PAQR3: variants seen among roughly 807,000 people sequenced by gnomAD.
PAQR3 encodes the protein progestin and adipoQ receptor family member 3.
Under a neutral mutation model 41.7 loss-of-function variants are expected in PAQR3, and 39 were observed. The ratio of observed to expected loss-of-function variants is 0.93; its 90% CI spans 0.72 to 1.22. The LOEUF (loss-of-function observed/expected upper bound fraction) is 1.22. Among genes scored for constraint, PAQR3 ranks in the 50% most tolerant of loss-of-function variants. PAQR3 has a pLI of 0.00. For missense variants in PAQR3, 366 were observed against 385.6 expected, an observed-to-expected ratio of 0.95 and a Z score of 0.42; for synonymous variants, 140 against 140.6, an observed-to-expected ratio of 1.00 and a Z score of 0.03.
intron 5 of PAQR3, 139 bp downstream of exon 5, chr4:78,923,718 G>T (rs1578014295): frequency 1.4e-6 from 1 of 691,604 alleles, no homozygotes; most frequent in East Asian, 2.7e-5. Context: ...GAAAGTTTTA[G>T]GTAACATTTG....
At chr4:78,923,811 T>C in intron 5 of PAQR3, 46 bp downstream of exon 5, 1 of 1,270,400 alleles carries the variant, frequency 7.9e-7, no homozygotes, top group African/African-American at 1.5e-5. Context: ...ACCTTGGGCA[T>C]ATATTTAGAC....
In PAQR3 at chr4:78,917,628, G is replaced by T; in HGVS notation, c.*2911C>A. ...AGCTGATTCTTTACACACTTGGGCA[G>T]AAGTAGAATTCCCAGGAATGATGAT... On this transcript the variant is annotated 3_prime_UTR_variant, in exon 6 of 6. Coordinates refer to ENST00000512733, the MANE Select transcript of PAQR3 (RefSeq NM_001040202.2). The T allele has an allele frequency of 5.4e-6, 1 of 184,446 alleles. No homozygotes were observed. Among genetic ancestry groups the T allele is most frequent in the Non-Finnish European group, 1.0e-5 (1 of 97,822 alleles). 11.4% of individuals were successfully genotyped at this position (184,446 alleles called of 1,614,324 possible). A position where few individuals can be genotyped will look rare whatever the true frequency, so the allele number is the denominator to read the frequency against.
intron 1 of PAQR3, 82 bp from the exon 2 acceptor site, chr4:78,935,365 A>C: frequency 8.0e-7 from 1 of 1,246,126 alleles, no homozygotes; most frequent in East Asian, 2.5e-5. Context: ...AATTTTGAGG[A>C]GTTACCTAAT....
chr4:78,922,277 T>C, intron 5 of PAQR3: 2 of 1,262,714 alleles, frequency 1.6e-6, no homozygotes, highest in South Asian at 1.3e-5. Flanking sequence ...TATTTAAAGC[T>C]CAGTGGTGAA....
chr4:78,911,409 T>A (rs1388151570), downstream of PAQR3: 1 of 1,614,046 alleles, frequency 6.2e-7, no homozygotes, highest in South Asian at 1.1e-5. Flanking sequence ...AGGACCTTTT[T>A]GGGCTTGTGC....
At position 78,912,121 on chromosome 4, in the gene PAQR3, T is replaced by G. The variant is rs144272741; in HGVS notation, c.*8418A>C. The stretch of plus-strand genomic sequence containing the variant: ...TTTGAAAGAAAATTTGGTAGCTCTT[T>G]ATAGCATTCATTCTTAAAGATCAGT... On this transcript the variant is annotated 3_prime_UTR_variant, in exon 6 of 6. Transcript: ENST00000512733. 2,222 of 1,174,910 alleles carry G rather than the reference T, an allele frequency of 1.9e-3. 17 individuals carry two copies. The highest frequency in any genetic ancestry group is 0.012 in the South Asian group (799 of 67,956). 72.8% of individuals were successfully genotyped at this position (1,174,910 alleles called of 1,614,324 possible).
intron 11 of PAQR3, chr4:78,898,809 C>T (rs960253432): frequency 1.3e-5 from 2 of 152,034 alleles, no homozygotes; most frequent in Non-Finnish European, 2.9e-5. Context: ...AAACCTATTG[C>T]TTCACTACTT....
chr4:78,928,627 T>G (rs888029251), intron 3 of PAQR3, among the ~76,000 whole-genome samples: 1 of 152,198 alleles, frequency 6.6e-6, no homozygotes. Context: ...ATAAGTGAAG[T>G]CTGGGGACTG....
At chr4:78,894,538 G>C (rs1405364237) in intron 11 of PAQR3, among the ~76,000 whole-genome samples, 2 of 152,218 alleles carry the variant, frequency 1.3e-5, no homozygotes, top group African/African-American at 4.8e-5. Context: ...TAGGATTGAA[G>C]AGAGTTAGAG....
At position 78,912,148 on chromosome 4, in the gene PAQR3, AG is replaced by A; in HGVS notation, c.*8390del. The A allele has an allele frequency of 2.2e-6, 2 of 922,566 alleles. No individual in the cohort carries two copies. The highest frequency in any genetic ancestry group is 3.3e-6 in the Non-Finnish European group (2 of 597,402). The allele number at this position is 922,566 out of a possible 1,614,324, so 57.1% of individuals were successfully genotyped here. On this transcript the variant is annotated 3_prime_UTR_variant, in exon 6 of 6. Coordinates refer to ENST00000512733, the MANE Select transcript of PAQR3 (RefSeq NM_001040202.2). ...TAGCATTCATTCTTAAAGATCAGTC[AG>A]AATAGGTGATTTCTAAATAAACCAA...
Position 78,900,954 on chromosome 4 carries a change from A to G in PAQR3, c.*836+5154T>C, listed in dbSNP as rs112603134. Among the ~76,000 whole-genome samples, 1,121 of 152,222 alleles carry G rather than the reference A, an allele frequency of 7.4e-3. 5 individuals are homozygous for G. The highest frequency in any genetic ancestry group is 0.018 in the African/African-American group (730 of 41,510). On this transcript the variant is annotated intron_variant and NMD_transcript_variant, in intron 11 of 12. Transcript: ENST00000342820. Reference sequence around the variant, plus strand: ...ACTGATGTTAGTAGTGTGGTTTATCAAAAGACCATTGACTTTGGAATTATA... The same window carrying G: ...ACTGATGTTAGTAGTGTGGTTTATCGAAAGACCATTGACTTTGGAATTATA...
rs2110115951 is a variant in PAQR3, at chr4:78,914,046, C to T, written c.*6493G>A. ...TGATTACACATAGTAAATTCATGAACTACAGTAGGTTTGTATCAAACAATT... is the reference window on the plus strand; with the variant it reads ...TGATTACACATAGTAAATTCATGAATTACAGTAGGTTTGTATCAAACAATT... On this transcript the variant is annotated 3_prime_UTR_variant, in exon 6 of 6. Coordinates refer to ENST00000512733, the MANE Select transcript of PAQR3 (RefSeq NM_001040202.2). 6.6e-6 allele frequency: 1 copy of T among 151,842 alleles called. No individual in the cohort carries two copies. Among genetic ancestry groups the T allele is most frequent in the South Asian group, 2.1e-4 (1 of 4,792 alleles). The allele number at this position is 151,842 out of a possible 1,614,324, so 9.4% of individuals were successfully genotyped here.
intron 10 of PAQR3, among the ~76,000 whole-genome samples, chr4:78,906,517 G>A (rs1734293805): frequency 6.6e-6 from 1 of 152,008 alleles, no homozygotes; most frequent in African/African-American, 2.4e-5. Context: ...TTCTTATACT[G>A]TGTTCTCAAA....
chr4:78,921,134 G>T (rs1735624039), intron 5 of PAQR3, among the ~76,000 whole-genome samples: 1 of 151,934 alleles, frequency 6.6e-6, no homozygotes, highest in African/African-American at 2.4e-5. Flanking sequence ...TCAAGCAGGT[G>T]TGCAAAGAAA....
chr4:78,908,605 A>G (rs1577984324), downstream of PAQR3, among the ~76,000 whole-genome samples: 1 of 152,136 alleles, frequency 6.6e-6, no homozygotes, highest in East Asian at 1.9e-4. Flanking sequence ...TATTTTCTTC[A>G]GCCAAAAACT....
intron 3 of PAQR3, among the ~76,000 whole-genome samples, chr4:78,929,474 G>T (rs556267296): frequency 1.3e-5 from 2 of 152,298 alleles, no homozygotes; most frequent in South Asian, 4.1e-4. Flanking sequence ...GTAAGGTTTG[G>T]TTGGCCAATA....
chr4:78,904,311 G>A (rs1025545197), intron 11 of PAQR3, among the ~76,000 whole-genome samples: 5 of 151,798 alleles, frequency 3.3e-5, no homozygotes, highest in African/African-American at 4.8e-5. Flanking sequence ...CCTAATATAG[G>A]GAGATAAGAG....
chr4:78,911,023 A>G (rs1018049030), downstream of PAQR3: 2 of 1,613,768 alleles, frequency 1.2e-6, no homozygotes, highest in Admixed American at 3.3e-5. Flanking sequence ...CAGATCTGGC[A>G]GTGGACCAAC....
chr4:78,924,031 A>C, intron 4 of PAQR3, 84 bp from the exon 5 acceptor site: 3 of 1,050,644 alleles, frequency 2.9e-6, no homozygotes, highest in Non-Finnish European at 4.4e-6. Flanking sequence ...GTGGGATTTA[A>C]GATTGTTAAA....
Sources: gnomAD v4.1 joint callset for allele counts (sites outside exome capture counted in the v4.1 genomes callset) on GRCh38, gnomAD v4.1.1 for gene constraint, MANE v1.5 for transcripts, NCBI Gene and HGNC (gene_info 2026-07-23, HGNC 2026-07-21) for gene names.